Variants in NOL4 observed in about 807,000 individuals in gnomAD.
The protein encoded by NOL4 is nucleolar protein 4, also known as cancer/testis antigen 125.
In NOL4, 17 loss-of-function variants were observed where a neutral mutation model predicts 75.9. The observed-to-expected ratio is 0.22, with a 90% CI of 0.15 to 0.34. NOL4 has a LOEUF of 0.34. Among genes scored for constraint, NOL4 ranks in the 10% least tolerant of loss-of-function variants. NOL4 has a pLI of 1.00. For synonymous variants in NOL4, 292 were observed against 289.9 expected (o/e 1.01, Z -0.07); for missense variants, 614 against 793.5 (o/e 0.77, Z 2.72).
At chr18:34,082,711 CTA>C (rs1341159201) in intron 5 of NOL4, among the ~76,000 whole-genome samples, 1 of 152,110 alleles carries the variant, frequency 6.6e-6, no homozygotes, top group Non-Finnish European at 1.5e-5. Flanking sequence ...TCCACTGTCC[CTA>C]TGCTGATAAC....
At chr18:34,146,584 T>C (rs770891027) in intron 1 of NOL4, among the ~76,000 whole-genome samples, 2 of 152,196 alleles carry the variant, frequency 1.3e-5, no homozygotes, top group Admixed American at 6.6e-5. Flanking sequence ...CAGTGGTCTA[T>C]ATATCTCTTT....
intron 10 of NOL4, among the ~76,000 whole-genome samples, chr18:33,871,159 AAAG>A (rs543931521): frequency 2.7e-4 from 41 of 152,224 alleles, no homozygotes; most frequent in African/African-American, 9.4e-4. Flanking sequence ...TGAAATCACA[AAAG>A]AAGATGTTAG....
At chr18:34,193,347 G>A (rs1473548419) in intron 1 of NOL4, among the ~76,000 whole-genome samples, 3 of 152,060 alleles carry the variant, frequency 2.0e-5, no homozygotes, top group Admixed American at 6.6e-5. Flanking sequence ...GAAAATATTT[G>A]CAAACCATGC....
At chr18:33,993,327 T>C (rs2073055396) in intron 6 of NOL4, among the ~76,000 whole-genome samples, 1 of 151,904 alleles carries the variant, frequency 6.6e-6, no homozygotes, top group Admixed American at 6.6e-5. Context: ...ACCACTGTCA[T>C]CCAGGGTGAG....
At chr18:34,132,674 A>G (rs368512374) in intron 1 of NOL4, among the ~76,000 whole-genome samples, 120 of 152,148 alleles carry the variant, frequency 7.9e-4, no homozygotes, top group African/African-American at 2.8e-3. Flanking sequence ...TAAGTCATTC[A>G]GAAACTGGAA....
Position 34,003,871 on chromosome 18 carries a change from G to C in NOL4, c.1056+15447C>G, listed in dbSNP as rs564880396. ...CCTAGTTCAGGGCATGATGGGAAGTGGGGGGTCAGACGTGCCTCATTATAC... is the reference window on the plus strand; with the variant it reads ...CCTAGTTCAGGGCATGATGGGAAGTCGGGGGTCAGACGTGCCTCATTATAC... On this transcript the variant is annotated intron_variant, in intron 6 of 10. Coordinates refer to ENST00000261592, the MANE Select transcript of NOL4 (RefSeq NM_003787.5). Among the ~76,000 whole-genome samples, 13 of 152,124 alleles carry C rather than the reference G, an allele frequency of 8.5e-5. No individual in the cohort carries two copies. In the South Asian group the frequency reaches 1.2e-3, roughly 15 times the overall value.
intron 5 of NOL4, among the ~76,000 whole-genome samples, chr18:34,047,742 G>C (rs2076447163): frequency 6.6e-6 from 1 of 152,036 alleles, no homozygotes; most frequent in Non-Finnish European, 1.5e-5. Context: ...AAGGAACTGT[G>C]TAAGCACAAA....
chr18:34,084,860 G>C (rs1249603447), intron 5 of NOL4, among the ~76,000 whole-genome samples: 1 of 152,154 alleles, frequency 6.6e-6, no homozygotes, highest in Non-Finnish European at 1.5e-5. Flanking sequence ...TGCAACACCA[G>C]CTTCAAAGCC....
chr18:33,935,877 A>G (rs1312149927), intron 9 of NOL4, among the ~76,000 whole-genome samples: 1 of 152,156 alleles, frequency 6.6e-6, no homozygotes, highest in Non-Finnish European at 1.5e-5. Context: ...TAACATATGT[A>G]TGTAAGAGAG....
At chr18:33,902,498 C>T (rs1326046302) in intron 9 of NOL4, among the ~76,000 whole-genome samples, 3 of 152,042 alleles carry the variant, frequency 2.0e-5, no homozygotes, top group African/African-American at 7.2e-5. Flanking sequence ...CAATGTTTTC[C>T]TTGAATACAA....
At chr18:34,013,021 G>A (rs777188403) in intron 6 of NOL4, among the ~76,000 whole-genome samples, 19 of 151,880 alleles carry the variant, frequency 1.3e-4, no homozygotes, top group South Asian at 4.2e-4. Flanking sequence ...TAATAATGTC[G>A]CTGGAATGTC....
intron 6 of NOL4, among the ~76,000 whole-genome samples, chr18:33,987,248 G>A (rs529753664): frequency 6.6e-6 from 1 of 152,098 alleles, no homozygotes; most frequent in African/African-American, 2.4e-5. Context: ...GGGGGATAGG[G>A]GCTGAAATGA....
chr18:34,169,257 A>G (rs1456646344), intron 1 of NOL4, among the ~76,000 whole-genome samples: 1 of 152,032 alleles, frequency 6.6e-6, no homozygotes, highest in African/African-American at 2.4e-5. Context: ...TATAGGAGAA[A>G]TATATAACAA....
intron 5 of NOL4, among the ~76,000 whole-genome samples, chr18:34,047,641 C>G (rs2076440878): frequency 6.6e-6 from 1 of 151,990 alleles, no homozygotes; most frequent in Non-Finnish European, 1.5e-5. Context: ...GACTAGATAT[C>G]TTCACAATAG....
chr18:34,049,327 C>T (rs891236828), intron 5 of NOL4, among the ~76,000 whole-genome samples: 5 of 151,646 alleles, frequency 3.3e-5, no homozygotes, highest in South Asian at 2.1e-4. Flanking sequence ...TAGTATCAAG[C>T]CACATTGTAG....
chr18:33,922,531 T>A (rs2067101147), intron 9 of NOL4, among the ~76,000 whole-genome samples: 1 of 152,226 alleles, frequency 6.6e-6, no homozygotes, highest in South Asian at 2.1e-4. Flanking sequence ...TAGCACTTAG[T>A]CTTGCAGTCT....
chr18:34,078,441 G>A (rs1364681107), intron 5 of NOL4, among the ~76,000 whole-genome samples: 1 of 152,130 alleles, frequency 6.6e-6, no homozygotes, highest in African/African-American at 2.4e-5. Context: ...TAGATGTCAT[G>A]GACATAAAAA....
intron 6 of NOL4, among the ~76,000 whole-genome samples, chr18:33,989,195 A>AAC (rs2072727252): frequency 7.1e-6 from 1 of 141,208 alleles, no homozygotes; most frequent in South Asian, 2.2e-4. Context: ...CTCTACAAAA[A>AAC]AAAAAAAAAA....
intron 5 of NOL4, among the ~76,000 whole-genome samples, chr18:34,054,993 T>G (rs1872405591): frequency 6.7e-6 from 1 of 149,540 alleles, no homozygotes; most frequent in South Asian, 2.1e-4. Flanking sequence ...ATATAACATA[T>G]TAAACAAATT....
Sources: gnomAD v4.1 joint callset for allele counts (sites outside exome capture counted in the v4.1 genomes callset) on GRCh38, gnomAD v4.1.1 for gene constraint, MANE v1.5 for transcripts, NCBI Gene and HGNC (gene_info 2026-07-23, HGNC 2026-07-21) for gene names.